Variants in ZNF286A observed in about 807,000 individuals in gnomAD.
ZNF286A encodes the protein zinc finger protein 286A.
Under a neutral mutation model 49.3 loss-of-function variants are expected in ZNF286A, and 34 were observed. The observed-to-expected ratio is 0.69, with a 90% confidence interval of 0.52 to 0.92. The LOEUF is 0.92. Ranked by LOEUF, ZNF286A falls within the 40% of genes least tolerant of loss-of-function variation. The pLI is 0.00. For synonymous variants in ZNF286A, 155 were observed against 200.4 expected, an observed-to-expected ratio of 0.77 and a Z score of 1.91; for missense variants, 462 against 600.2, an observed-to-expected ratio of 0.77 and a Z score of 2.41.
At chr17:15,706,775 A>G (rs1206491962) in intron 4 of ZNF286A, among the ~76,000 whole-genome samples, 1 of 152,212 alleles carries the variant, frequency 6.6e-6, no homozygotes, top group Non-Finnish European at 1.5e-5. Flanking sequence ...CAAATATATT[A>G]TCAAGAATTT....
In ZNF286A at chr17:15,708,182, A is replaced by C. The variant is rs200664810; in HGVS notation, c.269A>C (p.Tyr90Ser). ...LWLPVSKPES[Y>S]NLENGKEPLK... ...CTTCCAGTTTCCAAACCTGAGAGCT[A>C]CAACTTGGAGAATGGAAAAGAACCA... The change falls in exon 5 of 6, where the codon TAC becomes TCC. Residue 90 changes from tyrosine (Y) to serine (S), a missense_variant. By Grantham distance (144) the Tyr-to-Ser change is moderately radical. This residue lies in a region of ZNF286A where 259 missense variants were observed against 272.2 expected (regional missense o/e 0.95). Transcript: ENST00000583566. The C allele has an allele frequency of 6.3e-7, 1 of 1,596,652 alleles. No homozygotes were observed. The highest frequency in any genetic ancestry group is 1.3e-5 in the African/African-American group (1 of 74,324).
At chr17:15,703,123 A>G (rs1331047004) in intron 3 of ZNF286A, among the ~76,000 whole-genome samples, 1 of 152,210 alleles carries the variant, frequency 6.6e-6, no homozygotes, top group Non-Finnish European at 1.5e-5. Flanking sequence ...ACCTACACAC[A>G]CACGCACATA....
chr17:15,711,115 T>G (rs1211050349), intron 5 of ZNF286A, among the ~76,000 whole-genome samples: 1 of 152,082 alleles, frequency 6.6e-6, no homozygotes, highest in African/African-American at 2.4e-5. Flanking sequence ...GGTTTCACCG[T>G]GTTAGCCAGG....
At chr17:15,710,759 C>CCACT (rs1990584987) in intron 5 of ZNF286A, among the ~76,000 whole-genome samples, 1 of 151,934 alleles carries the variant, frequency 6.6e-6, no homozygotes, top group South Asian at 2.1e-4. Context: ...TGTGACTTAC[C>CCACT]CACTCACCAC....
In ZNF286A at chr17:15,704,082, T is replaced by C. The variant is rs183094225; in HGVS notation, c.127-2305T>C. The C allele has an allele frequency of 1.8e-3, 969 of 524,954 alleles. 8 individuals carry two copies. Among genetic ancestry groups the C allele is most frequent in the African/African-American group, 0.018 (914 of 49,596 alleles). 32.5% of individuals were successfully genotyped at this position (524,954 alleles called of 1,614,324 possible). A position where few individuals can be genotyped will look rare whatever the true frequency, so the allele number is the denominator to read the frequency against. On this transcript the variant is annotated intron_variant, in intron 3 of 5. Transcript: ENST00000583566. ...ATTATTATTATTTTTTTTTTTTTGC[T>C]TTTCCAACTTTATTTAGAAAAACAA...
chr17:15,716,685 G>A lies in ZNF286A; in HGVS notation c.961G>A (p.Val321Ile), dbSNP rs376374666. The change falls in exon 6 of 6, where the codon GTT (valine) becomes ATT (isoleucine). Residue 321 changes from valine to isoleucine, a missense_variant. Coordinates refer to ENST00000583566, the MANE Select transcript of ZNF286A (RefSeq NM_001130842.2). The stretch of plus-strand genomic sequence containing the variant: ...CCTTGCAACACATCAGAGAATTCAC[G>A]TTGGAGAGAGACCTTATGAATGCAA... Reference protein sequence around the residue: ...SSLATHQRIHVGERPYECNEC... With the variant: ...SSLATHQRIHIGERPYECNEC... 3.4e-5 allele frequency: 55 copies of A among 1,613,906 alleles called. No individual in the cohort carries two copies. Among genetic ancestry groups the A allele is most frequent in the Admixed American group, 6.7e-5 (4 of 60,010 alleles).
rs560556567 is a variant in ZNF286A at position 15,704,921 on chromosome 17, G to C, written c.127-1466G>C. On this transcript the variant is annotated intron_variant, in intron 3 of 5. Transcript: ENST00000583566. The stretch of plus-strand genomic sequence containing the variant: ...TTCATGGCTGCGGCCGGCCGGGGGC[G>C]GGTCCCCCCGGCCCCCTTCCTGCGT... The C allele has an allele frequency of 2.0e-5, 32 of 1,563,934 alleles. No individual in the cohort carries two copies. The African/African-American group carries it at 4.6e-4, about 22-fold the overall frequency.
rs879088644 is a variant in ZNF286A, at chr17:15,715,875, T to C, written c.335-184T>C. ...TCTCCTGGATAGGATGTACTTATTT[T>C]CTCTGCATAGTCTGAGCATTTGTTT... On this transcript the variant is annotated intron_variant, in intron 5 of 5. Transcript: ENST00000583566. 1.5e-5 allele frequency: 22 copies of C among 1,437,540 alleles called. No individual in the cohort carries two copies. In the South Asian group the frequency reaches 2.5e-4, roughly 16 times the overall value. The allele number at this position is 1,437,540 out of a possible 1,614,324, so 89.0% of individuals were successfully genotyped here. A position where few individuals can be genotyped will look rare whatever the true frequency, so the allele number is the denominator to read the frequency against.
chr17:15,702,580 C>T (rs1274070897), intron 3 of ZNF286A, among the ~76,000 whole-genome samples: 2 of 151,858 alleles, frequency 1.3e-5, no homozygotes, highest in African/African-American at 4.8e-5. Context: ...CATACCACAA[C>T]CCAGAGATTC....
chr17:15,704,448 G>A, intron 3 of ZNF286A: 13 of 1,611,252 alleles, frequency 8.1e-6, no homozygotes, highest in Non-Finnish European at 1.1e-5. Flanking sequence ...GGATCTCTGT[G>A]AGCAGACGGG....
rs1296745192 is a variant in ZNF286A, at chr17:15,716,608, G to T, written c.884G>T (p.Arg295Ile). The T allele has an allele frequency of 6.2e-7, 1 of 1,614,064 alleles. No individual in the cohort carries two copies. Among genetic ancestry groups the T allele is most frequent in the Admixed American group, 1.7e-5 (1 of 60,024 alleles). ...ACTAAACACCAGAGAACTCATACTA[G>T]AATTCTCTTTGAATGCAGTGAATGC... ...NLTKHQRTHT[R>I]ILFECSECKK... is the part of the protein sequence containing the mutation. Residue 295 changes from arginine (R) to isoleucine (I), a missense_variant, in exon 6 of 6, where the codon AGA (arginine) becomes ATA (isoleucine). Physicochemically the swap from Arg to Ile is moderately conservative, Grantham distance 97. Coordinates refer to ENST00000583566, the MANE Select transcript of ZNF286A (RefSeq NM_001130842.2).
intron 5 of ZNF286A, among the ~76,000 whole-genome samples, chr17:15,715,210 C>T: frequency 6.6e-6 from 1 of 151,284 alleles, no homozygotes; most frequent in East Asian, 1.9e-4. Flanking sequence ...TCCATTTATC[C>T]TTTTTTTATT....
At chr17:15,703,178 TG>T (rs1989921505) in intron 3 of ZNF286A, among the ~76,000 whole-genome samples, 1 of 152,160 alleles carries the variant, frequency 6.6e-6, no homozygotes, top group South Asian at 2.1e-4. Flanking sequence ...GAATCAGAGA[TG>T]GCGTCAGTAC....
At chr17:15,706,344 G>A (rs1990224299) in intron 3 of ZNF286A, 43 bp from the exon 4 acceptor site, 2 of 1,540,720 alleles carry the variant, frequency 1.3e-6, no homozygotes, top group African/African-American at 1.4e-5. Context: ...TGAAAGAGAA[G>A]TAATTAAGGG....
At chr17:15,700,995 G>A (rs543725723) in intron 2 of ZNF286A, among the ~76,000 whole-genome samples, 157 bp from the exon 3 acceptor site, 13 of 146,284 alleles carry the variant, frequency 8.9e-5, no homozygotes, top group African/African-American at 2.3e-4. Flanking sequence ...CGCATATCCC[G>A]GGAAGAGGGT....
chr17:15,715,480 C>T (rs998708861), intron 5 of ZNF286A, among the ~76,000 whole-genome samples: 2 of 152,062 alleles, frequency 1.3e-5, no homozygotes, highest in Admixed American at 6.6e-5. Flanking sequence ...CTTTTGCTAC[C>T]TGAATTAGTG....
chr17:15,708,314 G>A (rs1265181712), intron 5 of ZNF286A, 67 bp downstream of exon 5: 1 of 1,341,052 alleles, frequency 7.5e-7, no homozygotes, highest in South Asian at 1.7e-5. Flanking sequence ...ATACTTTTCA[G>A]TGCTTAAGAA....
Position 15,716,767 on chromosome 17 carries a change from A to C in ZNF286A, c.1043A>C (p.His348Pro). 1.9e-6 allele frequency: 3 copies of C among 1,613,968 alleles called. No homozygotes were observed. Among genetic ancestry groups the C allele is most frequent in the Non-Finnish European group, 8.5e-7 (1 of 1,179,864 alleles). Residue 348 changes from histidine (H) to proline (P), a missense_variant, in exon 6 of 6, where the codon CAT (histidine) becomes CCT (proline). By Grantham distance (77) the His-to-Pro change is moderately conservative (BLOSUM62 -2). Around this residue, in one of 3 missense-constraint regions of ZNF286A, gnomAD observed 201 missense variants for 311.3 expected, o/e 0.65. Coordinates refer to ENST00000583566, the MANE Select transcript of ZNF286A (RefSeq NM_001130842.2). ...CATCTTGTGCAGCATCAGTTGATTC[A>C]TACTGGAGTGAAGCCTTATGAATGT... Reference protein sequence around the residue: ...STHLVQHQLIHTGVKPYECNE... With the variant: ...STHLVQHQLIPTGVKPYECNE...
chr17:15,715,898 T>A, intron 5 of ZNF286A, 161 bp from the exon 6 acceptor site: 1 of 1,488,838 alleles, frequency 6.7e-7, no homozygotes, highest in Non-Finnish European at 8.9e-7. Context: ...TGAGCATTTG[T>A]TTCCCTCCAT....
Sources: allele counts gnomAD v4.1 joint callset (sites outside exome capture counted in the v4.1 genomes callset), GRCh38; gene constraint gnomAD v4.1.1; regional missense constraint gnomAD v4.1.1; transcripts MANE v1.5; gene names NCBI Gene and HGNC (gene_info 2026-07-23, HGNC 2026-07-21).